MAPT: variants seen among roughly 807,000 people sequenced by gnomAD.
MAPT encodes microtubule-associated protein tau.
A neutral mutation model predicts 67.9 loss-of-function variants in MAPT; 34 were observed. The observed-to-expected ratio is 0.50, with a 90% CI of 0.38 to 0.67. The LOEUF is 0.67. MAPT is among the 30% of genes least tolerant of loss of function. The pLI is 0.00. For synonymous variants in MAPT, 456 were observed against 464.5 expected (o/e 0.98, Z 0.23); for missense variants, 881 against 1,115.2 (o/e 0.79, Z 2.99).
chr17:45,962,792 G>C (rs148024453), intron 2 of MAPT, among the ~76,000 whole-genome samples: 4 of 152,198 alleles, frequency 2.6e-5, no homozygotes, highest in African/African-American at 9.6e-5. Flanking sequence ...AGGTGTTGTG[G>C]TGCATGTCTA....
chr17:45,915,309 TGA>T lies in MAPT; in HGVS notation c.-18+20625_-18+20626del, dbSNP rs1396155662. Among the ~76,000 whole-genome samples the T allele has an allele frequency of 2.7e-5, 4 of 150,182 alleles. No individual in the cohort carries two copies. The highest frequency in any genetic ancestry group is 2.0e-4 in the Admixed American group (3 of 15,072). On this transcript the variant is annotated intron_variant, in intron 1 of 12. Transcript: ENST00000262410. The surrounding 1 kb of genome is among the most constrained non-coding windows in gnomAD (Gnocchi z 4.4). ...GGGGTGTGTGCTGTGTGAGCGTGTG[TGA>T]GTCTGTGTGTGTAGTGTGTGTGTGA...
chr17:46,003,338 G>T (rs2075167374), intron 9 of MAPT, among the ~76,000 whole-genome samples: 1 of 151,864 alleles, frequency 6.6e-6, no homozygotes. Flanking sequence ...GAGTGCAGTG[G>T]TGCAATCTCG....
At chr17:46,002,300 G>A (rs998167488) in intron 9 of MAPT, among the ~76,000 whole-genome samples, 2 of 152,160 alleles carry the variant, frequency 1.3e-5, no homozygotes, top group Non-Finnish European at 2.9e-5. Flanking sequence ...AAGCAGGGGT[G>A]AGGGCCCAGC....
At chr17:45,960,431 T>C (rs2070261748) in intron 1 of MAPT, among the ~76,000 whole-genome samples, 1 of 152,040 alleles carries the variant, frequency 6.6e-6, no homozygotes, top group African/African-American at 2.4e-5. Context: ...CTCAGCCAGA[T>C]GGCATGTGCC....
Position 45,995,285 on chromosome 17 carries a change from G to A in MAPT, c.1733-1114G>A, listed in dbSNP as rs181088092. On this transcript the variant is annotated intron_variant, in intron 8 of 12. Coordinates refer to ENST00000262410, the MANE Select transcript of MAPT (RefSeq NM_001377265.1). The surrounding 1 kb of genome is among the most constrained non-coding windows in gnomAD (Gnocchi z 4.3). ...ACTGCAGGGGAGCTAAGCACACCTCGGCACAGGGTGAGGCCTGCGGTTCTC... is the reference window on the plus strand; with the variant it reads ...ACTGCAGGGGAGCTAAGCACACCTCAGCACAGGGTGAGGCCTGCGGTTCTC... Among the ~76,000 whole-genome samples, 844 of 152,196 alleles carry A rather than the reference G, an allele frequency of 5.5e-3. 3 individuals are homozygous for A. Among genetic ancestry groups the A allele is most frequent in the Non-Finnish European group, 9.0e-3 (614 of 68,014 alleles).
rs1470711906 is a variant in MAPT at position 45,911,443 on chromosome 17, G to A, written c.-18+16757G>A. Among the ~76,000 whole-genome samples the A allele has an allele frequency of 2.6e-5, 4 of 151,448 alleles. No homozygotes were observed. The South Asian group carries it at 6.3e-4, about 24-fold the overall frequency. On this transcript the variant is annotated intron_variant, in intron 1 of 12. Transcript: ENST00000262410. ...CCAGGAGTTTGAAACTAGCCTGGGC[G>A]ATATAGCGAGAACCTGTCTCAAATG...
chr17:45,923,610 C>T (rs766983474), intron 1 of MAPT, among the ~76,000 whole-genome samples: 1 of 152,230 alleles, frequency 6.6e-6, no homozygotes, highest in Non-Finnish European at 1.5e-5. Flanking sequence ...ATTGACTCAG[C>T]AAGTATCAGC....
intron 1 of MAPT, among the ~76,000 whole-genome samples, chr17:45,927,992 T>G (rs1379532073): frequency 2.0e-5 from 2 of 102,146 alleles, no homozygotes; most frequent in East Asian, 2.9e-4. Context: ...AGAGTGAGAC[T>G]CCGTCTCAGG....
chr17:45,952,865 T>C (rs17650633), intron 1 of MAPT, among the ~76,000 whole-genome samples: 21,777 of 151,990 alleles, frequency 0.14, 2,124 homozygotes, highest in Non-Finnish European at 0.22. Context: ...AAGTAAAAAG[T>C]TGGGGGATGT....
At chr17:45,972,185 C>T (rs931397522) in intron 3 of MAPT, 46 of 671,256 alleles carry the variant, frequency 6.9e-5, no homozygotes, top group East Asian at 1.4e-4. Flanking sequence ...GACAGTCCCG[C>T]GCACAGCTCC....
chr17:46,010,509 G>A lies in MAPT; in HGVS notation c.2091+107G>A, dbSNP rs752490710. ...ACTGCATAGAATAAATCCTTCTTGG[G>A]CTCTCAGGATCTGGCTGCGACCTCT... On this transcript the variant is annotated intron_variant, in intron 10 of 12. Coordinates refer to ENST00000262410, the MANE Select transcript of MAPT (RefSeq NM_001377265.1). This position sits in a 1 kb window ranked among gnomAD's most constrained non-coding sequence, Gnocchi z 4.7. 5.8e-6 allele frequency: 5 copies of A among 856,390 alleles called. No individual in the cohort carries two copies. Among genetic ancestry groups the A allele is most frequent in the Non-Finnish European group, 9.6e-6 (5 of 518,668 alleles). 53.0% of individuals were successfully genotyped at this position (856,390 alleles called of 1,614,324 possible). A position where few individuals can be genotyped will look rare whatever the true frequency, so the allele number is the denominator to read the frequency against.
chr17:45,997,617 C>T (rs1568306965), intron 9 of MAPT, among the ~76,000 whole-genome samples: 1 of 151,996 alleles, frequency 6.6e-6, no homozygotes, highest in Non-Finnish European at 1.5e-5. Context: ...AATACCTGGG[C>T]GTGGTGGTGG....
chr17:45,999,191 A>T, intron 9 of MAPT: 1 of 1,511,350 alleles, frequency 6.6e-7, no homozygotes, highest in Non-Finnish European at 8.8e-7. Context: ...CTCCTCCAGG[A>T]AGTCTTCCTG....
intron 1 of MAPT, among the ~76,000 whole-genome samples, chr17:45,946,699 A>T (rs2068550629): frequency 6.6e-6 from 1 of 150,746 alleles, no homozygotes; most frequent in Non-Finnish European, 1.5e-5. Context: ...CCATCCAAGC[A>T]TGACAGATTT....
rs957796187 is a variant in MAPT, at chr17:46,010,857, G to C, written c.2091+455G>C. Among the ~76,000 whole-genome samples, 3 of 152,236 alleles carry C rather than the reference G, an allele frequency of 2.0e-5. No homozygotes were observed. Among genetic ancestry groups the C allele is most frequent in the African/African-American group, 7.2e-5 (3 of 41,462 alleles). ...CGACACCTGGGCAGGTTGACGTTGAGTGGCTCCACTGTGGACAGGTGACCC... is the reference window on the plus strand; with the variant it reads ...CGACACCTGGGCAGGTTGACGTTGACTGGCTCCACTGTGGACAGGTGACCC... On this transcript the variant is annotated intron_variant, in intron 10 of 12. Transcript: ENST00000262410. The surrounding 1 kb of genome is among the most constrained non-coding windows in gnomAD (Gnocchi z 4.7).
intron 1 of MAPT, among the ~76,000 whole-genome samples, chr17:45,907,142 C>G (rs919330312): frequency 5.9e-5 from 9 of 152,180 alleles, no homozygotes; most frequent in Non-Finnish European, 1.2e-4. Flanking sequence ...GGTCCCCACA[C>G]CTTGGCTCAC....
Position 45,896,005 on chromosome 17 carries a change from C to G in MAPT, c.-18+1319C>G, listed in dbSNP as rs892064441. ...CTGTAGAGGTTACGTGATCTGCGCTCCCAGCCCTGGTTTCTGGCTTTTATT... is the reference window on the plus strand; with the variant it reads ...CTGTAGAGGTTACGTGATCTGCGCTGCCAGCCCTGGTTTCTGGCTTTTATT... On this transcript the variant is annotated intron_variant, in intron 1 of 12. Transcript: ENST00000262410. The surrounding 1 kb of genome is among the most constrained non-coding windows in gnomAD (Gnocchi z 5.6). 1.3e-5 allele frequency: 2 copies of G among 152,352 alleles called. No individual in the cohort carries two copies. Among genetic ancestry groups the G allele is most frequent in the African/African-American group, 4.8e-5 (2 of 41,464 alleles). 9.4% of individuals were successfully genotyped at this position (152,352 alleles called of 1,614,324 possible). A position where few individuals can be genotyped will look rare whatever the true frequency, so the allele number is the denominator to read the frequency against.
intron 1 of MAPT, among the ~76,000 whole-genome samples, chr17:45,905,470 G>C (rs987655280): frequency 2.0e-5 from 3 of 152,084 alleles, no homozygotes; most frequent in African/African-American, 7.2e-5. Flanking sequence ...ACCAATGTTC[G>C]ATGGCTGATG....
intron 1 of MAPT, chr17:45,895,889 A>G (rs1270671401): frequency 1.3e-5 from 2 of 152,320 alleles, no homozygotes; most frequent in African/African-American, 4.8e-5. Context: ...GGAGGGGGAC[A>G]ATCAGCGCTG....
Sources: allele counts gnomAD v4.1 joint callset (sites outside exome capture counted in the v4.1 genomes callset), GRCh38; gene constraint gnomAD v4.1.1; non-coding constraint Gnocchi (gnomAD v3.1); transcripts MANE v1.5; gene names NCBI Gene and HGNC (gene_info 2026-07-23, HGNC 2026-07-21).